Variants in ARHGAP25 observed in about 807,000 individuals in gnomAD.
The protein encoded by ARHGAP25 is Rho GTPase activating protein 25, also known as rho GTPase-activating protein 25.
In ARHGAP25, 34 loss-of-function variants were observed where a neutral mutation model predicts 71.0. The ratio of observed to expected loss-of-function variants is 0.48; its 90% confidence interval spans 0.36 to 0.64. ARHGAP25 has a LOEUF of 0.64. ARHGAP25 is among the 30% of genes least tolerant of loss of function. ARHGAP25 has a pLI of 0.00. For missense variants in ARHGAP25, 706 were observed against 805.1 expected, an observed-to-expected ratio of 0.88 and a Z score of 1.49; for synonymous variants, 282 against 296.5, an observed-to-expected ratio of 0.95 and a Z score of 0.50.
chr2:68,793,179 T>C (rs1679310780), intron 4 of ARHGAP25, among the ~76,000 whole-genome samples: 1 of 152,212 alleles, frequency 6.6e-6, no homozygotes, highest in Non-Finnish European at 1.5e-5. Context: ...ATATTAGTCT[T>C]TTATCATATG....
intron 3 of ARHGAP25, among the ~76,000 whole-genome samples, chr2:68,786,013 C>T (rs1678736208): frequency 6.6e-6 from 1 of 152,208 alleles, no homozygotes; most frequent in Admixed American, 6.5e-5. Context: ...TTCAAACCCC[C>T]TTTGGTTCTT....
At chr2:68,812,554 T>C (rs1033805322) in intron 5 of ARHGAP25, among the ~76,000 whole-genome samples, 1 of 152,254 alleles carries the variant, frequency 6.6e-6, no homozygotes, top group Non-Finnish European at 1.5e-5. Flanking sequence ...ACAAGTCACC[T>C]ATGTGTTCCC....
intron 3 of ARHGAP25, among the ~76,000 whole-genome samples, chr2:68,785,683 A>G (rs1678709006): frequency 6.6e-6 from 1 of 152,048 alleles, no homozygotes; most frequent in Non-Finnish European, 1.5e-5. Flanking sequence ...ATTATAGAAT[A>G]AGGACTCCCC....
chr2:68,809,584 A>G (rs1477621686), intron 5 of ARHGAP25, among the ~76,000 whole-genome samples: 1 of 151,736 alleles, frequency 6.6e-6, no homozygotes, highest in East Asian at 1.9e-4. Flanking sequence ...GGAAAGGGGG[A>G]AAGGGAGGGT....
intron 5 of ARHGAP25, among the ~76,000 whole-genome samples, chr2:68,810,419 C>T (rs958022317): frequency 2.0e-5 from 3 of 152,124 alleles, no homozygotes; most frequent in Non-Finnish European, 4.4e-5. Context: ...TAAGCTGAGA[C>T]CCAATAAACA....
At chr2:68,731,956 G>A (rs769490664), upstream of ARHGAP25, among the ~76,000 whole-genome samples, 2 of 152,298 alleles carry the variant, frequency 1.3e-5, no homozygotes, top group South Asian at 4.1e-4. Flanking sequence ...CAGAAAACAC[G>A]TCTGCTTGTT....
Position 68,819,336 on chromosome 2 carries a change from C to T in ARHGAP25, c.1200+17C>T, listed in dbSNP as rs764196308. ...AGTAGCATGGTAAGGTGCAGAGAACCTTCCTGCTTCCATTGGGTTCTTCCT... is the reference window on the plus strand; with the variant it reads ...AGTAGCATGGTAAGGTGCAGAGAACTTTCCTGCTTCCATTGGGTTCTTCCT... On this transcript the variant is annotated intron_variant, in intron 9 of 10. Coordinates refer to ENST00000409202, the MANE Select transcript of ARHGAP25 (RefSeq NM_001007231.3). 1 of 1,612,798 alleles carries T rather than the reference C, an allele frequency of 6.2e-7. No individual in the cohort carries two copies. The highest frequency in any genetic ancestry group is 8.5e-7 in the Non-Finnish European group (1 of 1,178,914).
chr2:68,810,130 A>T (rs1471207919), intron 5 of ARHGAP25, among the ~76,000 whole-genome samples: 1 of 35,226 alleles, frequency 2.8e-5, no homozygotes, highest in South Asian at 8.2e-4. Context: ...CCCTTGATTA[A>T]AAAAAAAAAA....
rs770752452 is a variant in ARHGAP25, at chr2:68,822,762, T to G, written c.1623T>G (p.Pro541=). The change falls in exon 10 of 11, where the codon CCT becomes CCG. Residue 541 remains proline (P), a synonymous_variant. Transcript: ENST00000409202. ...TLASPNSETG[P]GKKNSGEEEI... ...CCAGTCCAAACTCTGAAACTGGGCC[T>G]GGAAAAAAGAACTCTGGAGAAGAGG... 61 of 1,613,974 alleles carry G rather than the reference T, an allele frequency of 3.8e-5. No homozygotes were observed. The highest frequency in any genetic ancestry group is 4.1e-5 in the Non-Finnish European group (48 of 1,180,022).
chr2:68,785,874 A>G (rs1678725876), intron 3 of ARHGAP25, among the ~76,000 whole-genome samples: 1 of 152,216 alleles, frequency 6.6e-6, no homozygotes, highest in South Asian at 2.1e-4. Context: ...CAGATAAATT[A>G]TGTGCCTGAG....
At chr2:68,778,653 A>T (rs1434957043) in intron 2 of ARHGAP25, among the ~76,000 whole-genome samples, 1 of 152,184 alleles carries the variant, frequency 6.6e-6, no homozygotes, top group Non-Finnish European at 1.5e-5. Context: ...CCTTTCTAGA[A>T]AGTCATCTGG....
chr2:68,714,371 C>T (rs1478219126), intron 2 of ARHGAP25, among the ~76,000 whole-genome samples: 2 of 151,992 alleles, frequency 1.3e-5, no homozygotes, highest in Non-Finnish European at 2.9e-5. Context: ...TGATTTTTCT[C>T]TCTTTTCTTC....
At chr2:68,802,715 G>A (rs78987371) in intron 4 of ARHGAP25, among the ~76,000 whole-genome samples, 1,218 of 96,052 alleles carry the variant, frequency 0.013, 12 homozygotes, top group African/African-American at 0.043. Flanking sequence ...GAAAGAGAGA[G>A]AGAGAGAGAG....
intron 1 of ARHGAP25, among the ~76,000 whole-genome samples, chr2:68,759,111 A>G (rs1676654727): frequency 6.6e-6 from 1 of 151,852 alleles, no homozygotes; most frequent in Non-Finnish European, 1.5e-5. Context: ...AAGCAGGAGT[A>G]AGAGGGAAAT....
chr2:68,771,606 C>T (rs1677494230), intron 1 of ARHGAP25, among the ~76,000 whole-genome samples: 1 of 152,200 alleles, frequency 6.6e-6, no homozygotes, highest in South Asian at 2.1e-4. Flanking sequence ...TGGTGAGCAA[C>T]ACTGTGGGCT....
intron 2 of ARHGAP25, among the ~76,000 whole-genome samples, chr2:68,723,708 A>G (rs1674818469): frequency 1.3e-5 from 2 of 152,216 alleles, no homozygotes; most frequent in African/African-American, 2.4e-5. Flanking sequence ...CTAGCAGAGT[A>G]TACCAACGTG....
chr2:68,807,576 A>G, intron 5 of ARHGAP25, 96 bp downstream of exon 5: 3 of 1,254,212 alleles, frequency 2.4e-6, no homozygotes, highest in Non-Finnish European at 3.4e-6. Flanking sequence ...TGGGACTTGC[A>G]TAGAGACTTC....
chr2:68,741,105 T>G (rs933622495), intron 1 of ARHGAP25, among the ~76,000 whole-genome samples: 1 of 152,230 alleles, frequency 6.6e-6, no homozygotes, highest in Non-Finnish European at 1.5e-5. Flanking sequence ...CAGTCTCATT[T>G]CCAACCTCAG....
chr2:68,819,593 G>C, intron 9 of ARHGAP25: 1 of 628,040 alleles, frequency 1.6e-6, no homozygotes, highest in South Asian at 1.8e-5. Flanking sequence ...CTCTGAAAGA[G>C]AGACTCAAAT....
Sources: allele counts gnomAD v4.1 joint callset (sites outside exome capture counted in the v4.1 genomes callset), GRCh38; gene constraint gnomAD v4.1.1; transcripts MANE v1.5; gene names NCBI Gene and HGNC (gene_info 2026-07-23, HGNC 2026-07-21).